Variants in CACNA2D4 observed in about 807,000 individuals in gnomAD.
The protein encoded by CACNA2D4 is calcium voltage-gated channel auxiliary subunit alpha2delta 4.
Under a neutral mutation model 163.8 loss-of-function variants are expected in CACNA2D4, and 157 were observed. That is an observed-to-expected ratio of 0.96 (90% CI 0.84 to 1.09). The LOEUF (loss-of-function observed/expected upper bound fraction) is 1.09, where lower values mean the gene tolerates loss of function less well. Among genes scored for constraint, CACNA2D4 ranks in the 50% least tolerant of loss-of-function variants. CACNA2D4 has a pLI of 0.00. For missense variants in CACNA2D4, 1,410 were observed against 1,479.9 expected, an observed-to-expected ratio of 0.95 and a Z score of 0.78; for synonymous variants, 598 against 586.9, an observed-to-expected ratio of 1.02 and a Z score of -0.27.
Position 1,834,859 on chromosome 12 carries a change from A to G in CACNA2D4, c.2551+5880T>C. 1 of 1,420,016 alleles carries G rather than the reference A, an allele frequency of 7.0e-7. No homozygotes were observed. 88.0% of individuals were successfully genotyped at this position (1,420,016 alleles called of 1,614,324 possible). On this transcript the variant is annotated intron_variant, in intron 26 of 37. Coordinates refer to ENST00000382722, the MANE Select transcript of CACNA2D4 (RefSeq NM_172364.5). This position sits in a 1 kb window ranked among gnomAD's most constrained non-coding sequence, Gnocchi z 7.6. Reference sequence around the variant, plus strand: ...CTCCCCGCCCTCCAGCAGACAAGCCACACCGGGTTCTCTCCCTGCACTTTC... The same window carrying G: ...CTCCCCGCCCTCCAGCAGACAAGCCGCACCGGGTTCTCTCCCTGCACTTTC...
At chr12:1,886,479 C>T (rs1866149376) in intron 7 of CACNA2D4, 106 bp from the exon 8 acceptor site, 5 of 1,097,570 alleles carry the variant, frequency 4.6e-6, no homozygotes, top group South Asian at 1.6e-5. Flanking sequence ...CTCGAGCCCA[C>T]CCAAAGTTCA....
chr12:1,886,106 C>A (rs1258293504), intron 8 of CACNA2D4, 67 bp from the exon 9 acceptor site: 1 of 1,542,258 alleles, frequency 6.5e-7, no homozygotes, highest in Non-Finnish European at 9.0e-7. Flanking sequence ...AAAGTCCAGG[C>A]CCAGCAAAGA....
At position 1,810,723 on chromosome 12, in the gene CACNA2D4, G is replaced by A. The variant is rs189311990; in HGVS notation, c.2614-136C>T. On this transcript the variant is annotated intron_variant, in intron 27 of 37. Transcript: ENST00000382722. ...CATGGGGTGTGTATCTGCACATGGA[G>A]GGCACCTGTGTGGGGTGTGGGTGTG... 356 of 864,960 alleles carry A rather than the reference G, an allele frequency of 4.1e-4. 1 individual carries two copies. The African/African-American group carries it at 5.2e-3, about 13-fold the overall frequency. 53.6% of individuals were successfully genotyped at this position (864,960 alleles called of 1,614,324 possible). A position where few individuals can be genotyped will look rare whatever the true frequency, so the allele number is the denominator to read the frequency against.
At chr12:1,801,841 G>A (rs561629963) in intron 29 of CACNA2D4, among the ~76,000 whole-genome samples, 197 bp from the exon 30 acceptor site, 12 of 152,132 alleles carry the variant, frequency 7.9e-5, no homozygotes, top group African/African-American at 2.4e-4. Context: ...CCTCCTCACC[G>A]TCCAGCCTGG....
Position 1,914,994 on chromosome 12 carries a change from A to G in CACNA2D4, c.228-59T>C, listed in dbSNP as rs1866930272. 2.3e-5 allele frequency: 28 copies of G among 1,225,062 alleles called. No individual in the cohort carries two copies. In the South Asian group the frequency reaches 3.4e-4, roughly 15 times the overall value. The allele number at this position is 1,225,062 out of a possible 1,614,324, so 75.9% of individuals were successfully genotyped here. On this transcript the variant is annotated intron_variant, in intron 1 of 37. Transcript: ENST00000382722. The stretch of plus-strand genomic sequence containing the variant: ...CACGTACACGCACAAATACAGAAAC[A>G]CACGCGTAGACATATGGGTTCACAC...
intron 23 of CACNA2D4, among the ~76,000 whole-genome samples, chr12:1,847,118 C>A (rs979245595): frequency 1.3e-5 from 2 of 152,180 alleles, no homozygotes; most frequent in African/African-American, 4.8e-5. Flanking sequence ...CTTACCGAAA[C>A]GTGAAGGGAG....
At chr12:1,795,541 A>G in intron 36 of CACNA2D4, 127 bp downstream of exon 36, 2 of 903,576 alleles carry the variant, frequency 2.2e-6, no homozygotes, top group Non-Finnish European at 3.4e-6. Flanking sequence ...TAGAGAACAA[A>G]TAACGGAGCC....
rs949274209 is a variant in CACNA2D4, at chr12:1,834,864, G to T, written c.2551+5875C>A. 7.1e-7 allele frequency: 1 copy of T among 1,414,754 alleles called. No homozygotes were observed. The allele number at this position is 1,414,754 out of a possible 1,614,324, so 87.6% of individuals were successfully genotyped here. ...CGCCCTCCAGCAGACAAGCCACACCGGGTTCTCTCCCTGCACTTTCGAGGC... is the reference window on the plus strand; with the variant it reads ...CGCCCTCCAGCAGACAAGCCACACCTGGTTCTCTCCCTGCACTTTCGAGGC... On this transcript the variant is annotated intron_variant, in intron 26 of 37. Transcript: ENST00000382722. This position sits in a 1 kb window ranked among gnomAD's most constrained non-coding sequence, Gnocchi z 7.6.
rs745508187 is a variant in CACNA2D4, at chr12:1,914,942, G to C, written c.228-7C>G. On this transcript the variant is annotated splice_region_variant and splice_polypyrimidine_tract_variant and intron_variant, in intron 1 of 37. Transcript: ENST00000382722. ...GTCAGCCCATAGCTTCACTCTGCCA[G>C]GCAATGAAAGGACACGCGTATACAC... 1.2e-6 allele frequency: 2 copies of C among 1,605,962 alleles called. No individual in the cohort carries two copies. The highest frequency in any genetic ancestry group is 2.2e-5 in the South Asian group (2 of 90,938).
chr12:1,834,138 T>G lies in CACNA2D4; in HGVS notation c.2551+6601A>C. ...CCGCTTCCTCTTCTATAGATGGTGA[T>G]TCCAGGATTGACTACATTGCTGATA... On this transcript the variant is annotated intron_variant, in intron 26 of 37. Transcript: ENST00000382722. The surrounding 1 kb of genome is among the most constrained non-coding windows in gnomAD (Gnocchi z 7.6). 9.2e-7 allele frequency: 1 copy of G among 1,082,364 alleles called. No individual in the cohort carries two copies. Among genetic ancestry groups the G allele is most frequent in the Non-Finnish European group, 1.3e-6 (1 of 780,426 alleles). 67.0% of individuals were successfully genotyped at this position (1,082,364 alleles called of 1,614,324 possible).
chr12:1,855,469 A>G (rs1320351160), intron 22 of CACNA2D4, among the ~76,000 whole-genome samples: 2 of 152,188 alleles, frequency 1.3e-5, no homozygotes, highest in African/African-American at 4.8e-5. Flanking sequence ...CCATGTGACC[A>G]TGGAGCAGAG....
In CACNA2D4 at chr12:1,856,203, G is replaced by T; in HGVS notation, c.2035C>A (p.Leu679Met). 3 of 1,614,000 alleles carry T rather than the reference G, an allele frequency of 1.9e-6. No individual in the cohort carries two copies. The highest frequency in any genetic ancestry group is 2.5e-6 in the Non-Finnish European group (3 of 1,179,890). Residue 679 changes from leucine (L) to methionine (M), a missense_variant, in exon 21 of 38, where the codon CTG (leucine) becomes ATG (methionine). Physicochemically the swap from Leu to Met is conservative, Grantham distance 15. Transcript: ENST00000382722. ...ACTTACCAGTCACCGGCCAGGGCCA[G>T]GTCTGGGTGAAGCAAGTCATGCAGG... Reference protein sequence around the residue: ...EGLHDLLHPDLALAGDWIYCI... With the variant: ...EGLHDLLHPDMALAGDWIYCI...
Position 1,800,019 on chromosome 12 carries a change from C to T in CACNA2D4, c.2955G>A (p.Trp985Ter), listed in dbSNP as rs1555174105. The change falls in exon 33 of 38, where the codon TGG becomes TGA. Residue 985 changes from tryptophan (W) to a stop codon, truncating the protein, a stop_gained. Transcript: ENST00000382722. LOFTEE classifies it high-confidence loss of function. The part of the protein sequence containing the change: ...FLLEWSVWGS[W>*]YDRGAEAKSV... ...ACTCACCCTCGGCCCCTCTGTCGTA[C>T]CAGGAGCCCCAGACACTCCACTCCA... is the stretch of plus-strand genomic sequence containing the variant. 6.2e-7 allele frequency: 1 copy of T among 1,604,628 alleles called. No individual in the cohort carries two copies. The highest frequency in any genetic ancestry group is 8.5e-7 in the Non-Finnish European group (1 of 1,175,852).
At chr12:1,884,047 G>T in intron 12 of CACNA2D4, 196 bp downstream of exon 12, 3 of 558,822 alleles carry the variant, frequency 5.4e-6, no homozygotes, top group Non-Finnish European at 9.6e-6. Context: ...ATGGGGGCAG[G>T]ATGGAGACAG....
chr12:1,795,566 G>A, intron 36 of CACNA2D4, 102 bp downstream of exon 36: 3 of 760,400 alleles, frequency 3.9e-6, no homozygotes, highest in Non-Finnish European at 6.5e-6. Context: ...GGAGGACACG[G>A]GCGGTGAAGG....
intron 6 of CACNA2D4, among the ~76,000 whole-genome samples, chr12:1,901,702 G>T (rs1866541116): frequency 6.6e-6 from 1 of 152,040 alleles, no homozygotes; most frequent in South Asian, 2.1e-4. Context: ...ATTATAAAAA[G>T]TCTCTCAGCA....
chr12:1,846,476 G>T, intron 24 of CACNA2D4, 118 bp downstream of exon 24: 1 of 775,518 alleles, frequency 1.3e-6, no homozygotes, highest in Non-Finnish European at 2.1e-6. Flanking sequence ...GGGCTCCCAG[G>T]GGTCCAGCAT....
intron 19 of CACNA2D4, among the ~76,000 whole-genome samples, chr12:1,858,952 T>G (rs1009251682): frequency 6.6e-6 from 1 of 152,200 alleles, no homozygotes; most frequent in African/African-American, 2.4e-5. Flanking sequence ...TCCCCTAAAA[T>G]GTAGAACAGT....
chr12:1,900,585 G>A (rs1565736655), intron 6 of CACNA2D4, among the ~76,000 whole-genome samples: 1 of 151,982 alleles, frequency 6.6e-6, no homozygotes, highest in African/African-American at 2.4e-5. Context: ...CATATCTTAG[G>A]GCCTAGCAAT....
Sources: gnomAD v4.1 joint callset for allele counts (sites outside exome capture counted in the v4.1 genomes callset) on GRCh38, gnomAD v4.1.1 for gene constraint, Gnocchi (gnomAD v3.1) non-coding constraint, MANE v1.5 for transcripts, NCBI Gene and HGNC (gene_info 2026-07-23, HGNC 2026-07-21) for gene names.